The following COMMD10 variants were observed in gnomAD, a reference collection of about 807,000 sequenced individuals.
COMMD10 encodes COMM domain containing 10, also known as COMM domain-containing protein 10.
Under a neutral mutation model 28.9 loss-of-function variants are expected in COMMD10, and 33 were observed. The ratio of observed to expected loss-of-function variants is 1.14; its 90% CI spans 0.87 to 1.53. The LOEUF (loss-of-function observed/expected upper bound fraction) is 1.53, where lower values mean the gene tolerates loss of function less well. Among genes scored for constraint, COMMD10 ranks in the 40% most tolerant of loss-of-function variants. COMMD10 has a pLI of 0.00. For synonymous variants in COMMD10, 110 were observed against 81.7 expected (o/e 1.35, Z -1.87); for missense variants, 310 against 233.4 (o/e 1.33, Z -2.14).
chr5:116,143,547 A>G (rs376285939), intron 5 of COMMD10, among the ~76,000 whole-genome samples: 2 of 151,816 alleles, frequency 1.3e-5, no homozygotes, highest in African/African-American at 4.8e-5. Flanking sequence ...TGAATCGTGT[A>G]GTCTCTGAAA....
At chr5:116,162,652 A>G (rs186040914) in intron 5 of COMMD10, among the ~76,000 whole-genome samples, 43 of 152,332 alleles carry the variant, frequency 2.8e-4, no homozygotes, top group Middle Eastern at 3.4e-3. Context: ...AAAACGTTAA[A>G]TTGTAGAAAA....
In COMMD10 at chr5:116,200,699, A is replaced by C. The variant is rs369838266; in HGVS notation, c.510+66521A>C. On this transcript the variant is annotated intron_variant, in intron 5 of 6. Transcript: ENST00000274458. ...AGAGGTTCTTTCCTGAGTTTTGTCC[A>C]TTCAACGGCATTCTTGATTTCTGTT... 4.6e-5 allele frequency among the ~76,000 whole-genome samples: 7 copies of C among 152,076 alleles called. No homozygotes were observed. In the East Asian group the frequency reaches 1.2e-3, roughly 25 times the overall value.
intron 5 of COMMD10, among the ~76,000 whole-genome samples, chr5:116,164,774 G>A (rs1434140490): frequency 6.6e-6 from 1 of 152,108 alleles, no homozygotes; most frequent in Non-Finnish European, 1.5e-5. Context: ...AATTTTGGGG[G>A]AAAAATTTAT....
At chr5:116,149,457 T>C (rs1473849388) in intron 5 of COMMD10, among the ~76,000 whole-genome samples, 2 of 147,404 alleles carry the variant, frequency 1.4e-5, no homozygotes, top group African/African-American at 2.6e-5. Context: ...GTTGAACTAG[T>C]TTACAGTCCC....
chr5:116,189,821 C>G (rs1748291942), intron 5 of COMMD10, among the ~76,000 whole-genome samples: 1 of 152,118 alleles, frequency 6.6e-6, no homozygotes, highest in African/African-American at 2.4e-5. Flanking sequence ...TGTATTTTAG[C>G]AAAATGAAAA....
In COMMD10 at chr5:116,277,240, A is replaced by G. The variant is rs1032596690; in HGVS notation, c.511-14277A>G. Among the ~76,000 whole-genome samples the G allele has an allele frequency of 1.2e-4, 18 of 151,846 alleles. 1 individual carries two copies. Among genetic ancestry groups the G allele is most frequent in the Non-Finnish European group, 2.4e-4 (16 of 68,018 alleles). On this transcript the variant is annotated intron_variant, in intron 5 of 6. Transcript: ENST00000274458. ...TAAAATAAAACCTTATTAGCTCCAG[A>G]TATACTAAGGATTATAGAAATATAT...
chr5:116,150,177 T>C lies in COMMD10; in HGVS notation c.510+15999T>C, dbSNP rs990443670. Among the ~76,000 whole-genome samples the C allele has an allele frequency of 2.5e-3, 380 of 152,184 alleles. 3 individuals carry two copies. The highest frequency in any genetic ancestry group is 3.2e-3 in the Non-Finnish European group (215 of 67,988). On this transcript the variant is annotated intron_variant, in intron 5 of 6. Transcript: ENST00000274458. Reference sequence around the variant, plus strand: ...AGATCAGATAGTTGTAGCTATGCAGTGTTACTTCTGAGGGCTCTGTTCTGT... The same window carrying C: ...AGATCAGATAGTTGTAGCTATGCAGCGTTACTTCTGAGGGCTCTGTTCTGT...
intron 5 of COMMD10, among the ~76,000 whole-genome samples, chr5:116,201,910 A>T (rs543368991): frequency 6.6e-6 from 1 of 152,140 alleles, no homozygotes; most frequent in South Asian, 2.1e-4. Flanking sequence ...ATTATACTTT[A>T]AGTTTTAGGG....
In COMMD10 at chr5:116,222,780, C is replaced by A. The variant is rs1383797916; in HGVS notation, c.511-68737C>A. On this transcript the variant is annotated intron_variant, in intron 5 of 6. Transcript: ENST00000274458. ...CATCTCGGCTCACTGCAACCTCTGCCTCCCAGGTTTAAGCGATTCTCCTGC... is the reference window on the plus strand; with the variant it reads ...CATCTCGGCTCACTGCAACCTCTGCATCCCAGGTTTAAGCGATTCTCCTGC... Among the ~76,000 whole-genome samples, 3 of 152,282 alleles carry A rather than the reference C, an allele frequency of 2.0e-5. No individual in the cohort carries two copies. In the East Asian group the frequency reaches 5.8e-4, roughly 29 times the overall value.
intron 5 of COMMD10, among the ~76,000 whole-genome samples, chr5:116,179,828 G>A (rs1436701546): frequency 6.6e-6 from 1 of 151,924 alleles, no homozygotes; most frequent in Non-Finnish European, 1.5e-5. Context: ...GGCAGGAAAA[G>A]GTAGTAGTAG....
intron 5 of COMMD10, among the ~76,000 whole-genome samples, chr5:116,257,335 A>T (rs1309555601): frequency 2.6e-5 from 4 of 151,680 alleles, no homozygotes; most frequent in African/African-American, 9.7e-5. Flanking sequence ...GAGATTTTAA[A>T]TATATAACTT....
At chr5:116,259,044 C>T (rs1269503641) in intron 5 of COMMD10, among the ~76,000 whole-genome samples, 1 of 148,994 alleles carries the variant, frequency 6.7e-6, no homozygotes, top group Non-Finnish European at 1.5e-5. Flanking sequence ...ATAATTTTAT[C>T]TTTAGCTACG....
At chr5:116,103,469 T>C (rs1290573449) in intron 4 of COMMD10, among the ~76,000 whole-genome samples, 1 of 152,244 alleles carries the variant, frequency 6.6e-6, no homozygotes, top group Non-Finnish European at 1.5e-5. Context: ...ATGTCTTCTT[T>C]TGAGAAGTGT....
intron 4 of COMMD10, among the ~76,000 whole-genome samples, chr5:116,127,528 A>G (rs542271965): frequency 1.3e-5 from 2 of 152,196 alleles, no homozygotes; most frequent in Non-Finnish European, 1.5e-5. Flanking sequence ...AAGCAACCCA[A>G]ATTTCCGTCA....
At chr5:116,192,940 A>G (rs114362990) in intron 5 of COMMD10, among the ~76,000 whole-genome samples, 3,239 of 152,298 alleles carry the variant, frequency 0.021, 117 homozygotes, top group African/African-American at 0.072. Flanking sequence ...TATAAAGGAA[A>G]GCCTATTGGA....
At chr5:116,125,076 G>A (rs1409433653) in intron 4 of COMMD10, among the ~76,000 whole-genome samples, 5 of 152,148 alleles carry the variant, frequency 3.3e-5, no homozygotes. Flanking sequence ...ATTGTTATGT[G>A]TGAATTTGAT....
chr5:116,267,891 G>C (rs1216024494), intron 5 of COMMD10, among the ~76,000 whole-genome samples: 1 of 151,852 alleles, frequency 6.6e-6, no homozygotes, highest in East Asian at 1.9e-4. Context: ...AAACTGGCTA[G>C]CCATATGTAG....
chr5:116,139,132 A>T (rs10069565), intron 5 of COMMD10, among the ~76,000 whole-genome samples: 46,713 of 151,660 alleles, frequency 0.31, 9,700 homozygotes, highest in African/African-American at 0.6. Flanking sequence ...TAATATGTGT[A>T]TATGTTTCAA....
intron 5 of COMMD10, among the ~76,000 whole-genome samples, chr5:116,205,283 A>T (rs1748783418): frequency 6.6e-6 from 1 of 152,072 alleles, no homozygotes; most frequent in African/African-American, 2.4e-5. Flanking sequence ...CCATTATACG[A>T]TTTTCCTAGC....
Sources: allele counts gnomAD v4.1 joint callset (sites outside exome capture counted in the v4.1 genomes callset), GRCh38; gene constraint gnomAD v4.1.1; transcripts MANE v1.5; gene names NCBI Gene and HGNC (gene_info 2026-07-23, HGNC 2026-07-21).